PIK3AP1: variants seen among roughly 807,000 people sequenced by gnomAD.
PIK3AP1 encodes the protein phosphoinositide-3-kinase adaptor protein 1.
A neutral mutation model predicts 88.1 loss-of-function variants in PIK3AP1; 21 were observed. That is an observed-to-expected ratio of 0.24 (90% CI 0.17 to 0.34). The LOEUF (loss-of-function observed/expected upper bound fraction) is 0.34, where lower values mean the gene tolerates loss of function less well. PIK3AP1 is among the 10% of genes least tolerant of loss of function. The pLI, the probability that PIK3AP1 is intolerant of heterozygous loss-of-function variation, is 1.00. For missense variants in PIK3AP1, 828 were observed against 1,035.7 expected (o/e 0.80, Z 2.75); for synonymous variants, 398 against 400.0 (o/e 1.00, Z 0.06).
intron 2 of PIK3AP1, among the ~76,000 whole-genome samples, chr10:96,691,602 C>T (rs1358078186): frequency 2.0e-5 from 3 of 152,166 alleles, no homozygotes; most frequent in Non-Finnish European, 4.4e-5. Flanking sequence ...TCCAGCCCAT[C>T]GGGATTGTTT....
intron 2 of PIK3AP1, among the ~76,000 whole-genome samples, chr10:96,685,005 C>A (rs914244509): frequency 1.3e-5 from 2 of 152,198 alleles, no homozygotes; most frequent in Admixed American, 1.3e-4. Flanking sequence ...AGATCACAAT[C>A]TCCCCAACAC....
chr10:96,694,643 C>A (rs1844197891), intron 2 of PIK3AP1, among the ~76,000 whole-genome samples: 1 of 151,660 alleles, frequency 6.6e-6, no homozygotes, highest in African/African-American at 2.4e-5. Flanking sequence ...AAGCGATCCT[C>A]CCACCTCAGT....
chr10:96,659,632 G>A (rs1213801173), intron 2 of PIK3AP1, among the ~76,000 whole-genome samples: 4 of 151,696 alleles, frequency 2.6e-5, no homozygotes, highest in African/African-American at 9.7e-5. Flanking sequence ...GGAGGCTGAG[G>A]TGGGAGGATC....
At chr10:96,650,545 G>A (rs888528606) in intron 6 of PIK3AP1, among the ~76,000 whole-genome samples, 28 of 152,188 alleles carry the variant, frequency 1.8e-4, no homozygotes, top group Non-Finnish European at 7.3e-5. Flanking sequence ...CTCACTGAGC[G>A]GACAGCCTAG....
intron 2 of PIK3AP1, among the ~76,000 whole-genome samples, chr10:96,675,697 A>T (rs954618937): frequency 6.6e-6 from 1 of 152,168 alleles, no homozygotes; most frequent in African/African-American, 2.4e-5. Context: ...TTCCTTATTT[A>T]TAAAATAGAG....
In PIK3AP1 at chr10:96,626,896, A is replaced by G. The variant is rs1843162200; in HGVS notation, c.1481T>C (p.Met494Thr). The change falls in exon 10 of 17, where the codon ATG (methionine) becomes ACG (threonine). Residue 494 changes from methionine (M) to threonine (T), a missense_variant. Physicochemically the swap from Met to Thr is moderately conservative, Grantham distance 81 (BLOSUM62 -1). This residue lies in a region of PIK3AP1 where 610 missense variants were observed against 760.1 expected (regional missense o/e 0.80). Coordinates refer to ENST00000339364, the MANE Select transcript of PIK3AP1 (RefSeq NM_152309.3). ...MIRKFLEGNSMGMTNLERDQC... is the reference protein window; with the variant it reads ...MIRKFLEGNSTGMTNLERDQC... ...ATCTCTCTCCAGATTGGTCATTCCC[A>G]TGCTGTTGCCTAGAAACGCAGAGAA... 1 of 1,613,626 alleles carries G rather than the reference A, an allele frequency of 6.2e-7. No homozygotes were observed. Among genetic ancestry groups the G allele is most frequent in the South Asian group, 1.1e-5 (1 of 91,080 alleles).
chr10:96,623,650 T>G (rs149105293), intron 10 of PIK3AP1, 113 bp from the exon 11 acceptor site: 1 of 916,320 alleles, frequency 1.1e-6, no homozygotes, highest in African/African-American at 1.7e-5. Flanking sequence ...TAAATCAAAA[T>G]TGTAGAAAGA....
At chr10:96,649,888 A>C (rs1843513341) in intron 6 of PIK3AP1, among the ~76,000 whole-genome samples, 1 of 152,210 alleles carries the variant, frequency 6.6e-6, no homozygotes, top group South Asian at 2.1e-4. Flanking sequence ...CAGCAAGTTA[A>C]ACTCAACCAA....
At chr10:96,622,951 A>C (rs1304955448) in intron 11 of PIK3AP1, among the ~76,000 whole-genome samples, 2 of 152,252 alleles carry the variant, frequency 1.3e-5, no homozygotes, top group Admixed American at 1.3e-4. Flanking sequence ...AATAGCCCAG[A>C]AAGGCTGTTA....
At position 96,595,509 on chromosome 10, in the gene PIK3AP1, G is replaced by T; in HGVS notation, c.*68C>A. The T allele has an allele frequency of 6.9e-7, 1 of 1,458,906 alleles. No individual in the cohort carries two copies. The highest frequency in any genetic ancestry group is 9.6e-7 in the Non-Finnish European group (1 of 1,041,756). The allele number at this position is 1,458,906 out of a possible 1,614,324, so 90.4% of individuals were successfully genotyped here. A position where few individuals can be genotyped will look rare whatever the true frequency, so the allele number is the denominator to read the frequency against. ...GTCATGCTATAAAACTCAACATGAA[G>T]ACATCATTAACAGGCTGAAGACTGT... On this transcript the variant is annotated 3_prime_UTR_variant, in exon 17 of 17. Transcript: ENST00000339364.
Position 96,626,764 on chromosome 10 carries a change from T to C in PIK3AP1, c.1613A>G (p.Glu538Gly). ...CTGGTGAGCACCAGGAGCAGTGGTC[T>C]CTGGTCTGGGCACTGGGACAGGGGG... ...SRPPVPVPRP[E>G]TTAPGAHQLP... The change falls in exon 10 of 17, where the codon GAG becomes GGG. Residue 538 changes from glutamate (E) to glycine (G), a missense_variant. Around this residue, in one of 3 missense-constraint regions of PIK3AP1, gnomAD observed 610 missense variants for 760.1 expected, o/e 0.80. Coordinates refer to ENST00000339364, the MANE Select transcript of PIK3AP1 (RefSeq NM_152309.3). 1 of 1,614,244 alleles carries C rather than the reference T, an allele frequency of 6.2e-7. No individual in the cohort carries two copies. The highest frequency in any genetic ancestry group is 2.2e-5 in the East Asian group (1 of 44,890).
chr10:96,647,699 G>A (rs1198641215), intron 7 of PIK3AP1, among the ~76,000 whole-genome samples: 1 of 152,230 alleles, frequency 6.6e-6, no homozygotes, highest in East Asian at 1.9e-4. Flanking sequence ...ACAGAGCAGA[G>A]AGTTAAGTTT....
chr10:96,697,773 C>T (rs748452380), intron 2 of PIK3AP1, among the ~76,000 whole-genome samples: 1 of 152,122 alleles, frequency 6.6e-6, no homozygotes, highest in Non-Finnish European at 1.5e-5. Flanking sequence ...AAAATTAAAA[C>T]ACTGGAGAAA....
chr10:96,632,904 A>C (rs1170985852), intron 8 of PIK3AP1: 1 of 1,612,634 alleles, frequency 6.2e-7, no homozygotes, highest in Admixed American at 1.7e-5. Context: ...ACCCTGGGAC[A>C]TGCTTGGCAC....
At position 96,594,553 on chromosome 10, in the gene PIK3AP1, A is replaced by C. The variant is rs1848724788; in HGVS notation, c.*1024T>G. ...CCCATGGATTTGAAAGGCTGACTGT[A>C]TTTCTATTTTAGGTTTGTTTTTCCT... On this transcript the variant is annotated 3_prime_UTR_variant, in exon 17 of 17. Transcript: ENST00000339364. This position sits in a 1 kb window ranked among gnomAD's most constrained non-coding sequence, Gnocchi z 4.6. 4 of 152,150 alleles carry C rather than the reference A, an allele frequency of 2.6e-5. No homozygotes were observed. Among genetic ancestry groups the C allele is most frequent in the Admixed American group, 2.6e-4 (4 of 15,268 alleles). The allele number at this position is 152,150 out of a possible 1,614,324, so 9.4% of individuals were successfully genotyped here.
At position 96,720,433 on chromosome 10, in the gene PIK3AP1, CCCGGGGCCGGGA is replaced by C. The variant is rs1010842091; in HGVS notation, c.-51_-40del. The stretch of plus-strand genomic sequence containing the variant: ...GCTCACATCCCTGGCTCGCTGCGTG[CCCGGGGCCGGGA>C]CCGGGGCCGGCGGCGTCCTGGCTCG... On this transcript the variant is annotated 5_prime_UTR_variant, in exon 1 of 17. Coordinates refer to ENST00000339364, the MANE Select transcript of PIK3AP1 (RefSeq NM_152309.3). This position sits in a 1 kb window ranked among gnomAD's most constrained non-coding sequence, Gnocchi z 4.6. 15 of 1,229,814 alleles carry C rather than the reference CCCGGGGCCGGGA, an allele frequency of 1.2e-5. No homozygotes were observed. In the East Asian group the frequency reaches 1.6e-4, roughly 13 times the overall value. 76.2% of individuals were successfully genotyped at this position (1,229,814 alleles called of 1,614,324 possible). A position where few individuals can be genotyped will look rare whatever the true frequency, so the allele number is the denominator to read the frequency against.
At chr10:96,682,601 T>C (rs1844018056) in intron 2 of PIK3AP1, among the ~76,000 whole-genome samples, 2 of 152,234 alleles carry the variant, frequency 1.3e-5, no homozygotes, top group South Asian at 2.1e-4. Flanking sequence ...TGCTGACTGA[T>C]ACCTGGGTGT....
At chr10:96,691,709 T>C (rs1300743982) in intron 2 of PIK3AP1, among the ~76,000 whole-genome samples, 2 of 152,234 alleles carry the variant, frequency 1.3e-5, no homozygotes, top group Non-Finnish European at 2.9e-5. Context: ...TTTCATTCTT[T>C]GCTTGGTGAA....
At chr10:96,641,087 G>A (rs530115106) in intron 8 of PIK3AP1, among the ~76,000 whole-genome samples, 5 of 21,792 alleles carry the variant, frequency 2.3e-4, no homozygotes, top group South Asian at 1.8e-3. Context: ...TGAGTGTGCC[G>A]TGTGTGTGTG....
Sources: gnomAD v4.1 joint callset for allele counts (sites outside exome capture counted in the v4.1 genomes callset) on GRCh38, gnomAD v4.1.1 for gene constraint, gnomAD v4.1.1 regional missense constraint, Gnocchi (gnomAD v3.1) non-coding constraint, MANE v1.5 for transcripts, NCBI Gene and HGNC (gene_info 2026-07-23, HGNC 2026-07-21) for gene names.